The following DHRSX variants were observed in gnomAD, a reference collection of about 807,000 sequenced individuals.
DHRSX encodes the protein dehydrogenase/reductase X-linked, also known as polyprenol dehydrogenase.
DHRSX carries 31 observed loss-of-function variants against 34.0 expected under a neutral mutation model. That is an observed-to-expected ratio of 0.91 (90% CI 0.69 to 1.23). The LOEUF (loss-of-function observed/expected upper bound fraction) is 1.23. Ranked by LOEUF, DHRSX falls within the 50% of genes most tolerant of loss-of-function variation. DHRSX has a pLI of 0.00. For missense variants in DHRSX, 414 were observed against 428.1 expected, an observed-to-expected ratio of 0.97 and a Z score of 0.29; for synonymous variants, 201 against 183.8, an observed-to-expected ratio of 1.09 and a Z score of -0.76.
intron 3 of DHRSX, among the ~76,000 whole-genome samples, chrX:2,407,492 G>A (rs2043571514): frequency 6.6e-6 from 1 of 152,160 alleles, no homozygotes; most frequent in African/African-American, 2.4e-5. Flanking sequence ...GATGATTAAA[G>A]GCCAGGTTCT....
intron 3 of DHRSX, among the ~76,000 whole-genome samples, chrX:2,304,465 C>A (rs1486758147): frequency 6.6e-6 from 1 of 152,026 alleles, no homozygotes; most frequent in African/African-American, 2.4e-5. Context: ...GAGGTGGACC[C>A]TTGTAGGGGG....
At chrX:2,447,716 C>T (rs1037789802) in intron 1 of DHRSX, among the ~76,000 whole-genome samples, 8 of 147,334 alleles carry the variant, frequency 5.4e-5, no homozygotes, top group African/African-American at 1.8e-4. Context: ...AAAGGAAATC[C>T]TGCCATTTGC....
chrX:2,420,040 A>T (rs1406203687), intron 2 of DHRSX, among the ~76,000 whole-genome samples: 1 of 152,172 alleles, frequency 6.6e-6, no homozygotes, highest in African/African-American at 2.4e-5. Flanking sequence ...ACACACCAAG[A>T]CAGGAGAGTT....
At chrX:2,425,434 C>G in intron 1 of DHRSX, 130 bp from the exon 2 acceptor site, 1 of 777,358 alleles carries the variant, frequency 1.3e-6, no homozygotes, top group East Asian at 2.6e-5. Flanking sequence ...TTCTGTTCCT[C>G]TTGAATTCCC....
chrX:2,465,677 C>G (rs966158858), intron 1 of DHRSX, among the ~76,000 whole-genome samples: 1 of 151,594 alleles, frequency 6.6e-6, no homozygotes, highest in Non-Finnish European at 1.5e-5. Context: ...GGTGTAGGGG[C>G]AGGCACTTAC....
rs1323742919 is a variant in DHRSX at position 2,285,806 on chromosome X, G to A, written c.388+5696C>T. ...TCCAGCAATCTCATTTGCACACAAC[G>A]AAGAAGAATTCTGATGCACAAACCA... On this transcript the variant is annotated intron_variant, in intron 4 of 6. Transcript: ENST00000334651. 3.3e-5 allele frequency among the ~76,000 whole-genome samples: 5 copies of A among 149,302 alleles called. No homozygotes were observed. In the East Asian group the frequency reaches 5.8e-4, roughly 17 times the overall value.
chrX:2,346,210 C>G (rs1457286801), intron 3 of DHRSX, among the ~76,000 whole-genome samples: 2 of 150,966 alleles, frequency 1.3e-5, no homozygotes, highest in Non-Finnish European at 2.9e-5. Flanking sequence ...GCATCTCACT[C>G]CATGGCATCT....
At chrX:2,236,742 T>A (rs1208518977) in intron 6 of DHRSX, among the ~76,000 whole-genome samples, 3 of 151,926 alleles carry the variant, frequency 2.0e-5, no homozygotes, top group African/African-American at 7.2e-5. Flanking sequence ...ACCTGGAGCA[T>A]TTTCAGTGGA....
Position 2,408,820 on chromosome X carries a change from G to T in DHRSX, c.218-7C>A, listed in dbSNP as rs766635785. On this transcript the variant is annotated splice_polypyrimidine_tract_variant and splice_region_variant and intron_variant, in intron 2 of 6. Transcript: ENST00000334651. The stretch of plus-strand genomic sequence containing the variant: ...TTGCTGTCATTATTTCCAGCTAAAA[G>T]GAAAAAGAAAAAAAAGATACGGTGA... 6 of 1,600,430 alleles carry T rather than the reference G, an allele frequency of 3.7e-6. No homozygotes were observed. The highest frequency in any genetic ancestry group is 5.1e-6 in the Non-Finnish European group (6 of 1,174,662).
Position 2,405,413 on chromosome X carries a change from G to A in DHRSX, c.286+3332C>T, listed in dbSNP as rs772501627. Among the ~76,000 whole-genome samples, 18 of 152,036 alleles carry A rather than the reference G, an allele frequency of 1.2e-4. No homozygotes were observed. In the South Asian group the frequency reaches 2.5e-3, roughly 21 times the overall value. Reference sequence around the variant, plus strand: ...TGAGGCAGGAGAATCGCTTGAACCCGGGCCACAGAGGTTGCAGTGAGCCGA... The same window carrying A: ...TGAGGCAGGAGAATCGCTTGAACCCAGGCCACAGAGGTTGCAGTGAGCCGA... On this transcript the variant is annotated intron_variant, in intron 3 of 6. Transcript: ENST00000334651.
At chrX:2,371,663 CAT>C (rs1262296254) in intron 3 of DHRSX, among the ~76,000 whole-genome samples, 2 of 150,928 alleles carry the variant, frequency 1.3e-5, no homozygotes, top group African/African-American at 4.9e-5. Context: ...CTCCCCTTAC[CAT>C]AGTCCCTCCT....
chrX:2,297,778 A>G (rs1227100471), intron 3 of DHRSX, among the ~76,000 whole-genome samples: 9 of 121,872 alleles, frequency 7.4e-5, no homozygotes, highest in African/African-American at 2.4e-4. Context: ...TTTTTTTGAC[A>G]AAGTCTTGCT....
chrX:2,488,514 T>C, intron 1 of DHRSX: 2 of 1,280,038 alleles, frequency 1.6e-6, no homozygotes, highest in Non-Finnish European at 2.1e-6. Context: ...TTCCACCTTC[T>C]AGGTGTCAAA....
At chrX:2,437,846 T>C (rs1480309749) in intron 1 of DHRSX, among the ~76,000 whole-genome samples, 1 of 151,852 alleles carries the variant, frequency 6.6e-6, no homozygotes, top group Non-Finnish European at 1.5e-5. Flanking sequence ...TAGGTTCTTA[T>C]AGAAGAAAGA....
In DHRSX at chrX:2,339,636, G is replaced by A. The variant is rs143875641; in HGVS notation, c.287-48033C>T. Among the ~76,000 whole-genome samples, 277 of 152,108 alleles carry A rather than the reference G, an allele frequency of 1.8e-3. 1 individual carries two copies. Among genetic ancestry groups the A allele is most frequent in the African/African-American group, 5.9e-3 (246 of 41,520 alleles). The stretch of plus-strand genomic sequence containing the variant: ...CTTCCACGTATCAGTGACAACAGAC[G>A]ATGTTTGGTTTTCCATTCCTGAGTT... On this transcript the variant is annotated intron_variant, in intron 3 of 6. Transcript: ENST00000334651.
chrX:2,268,365 T>TA, intron 4 of DHRSX, among the ~76,000 whole-genome samples: 1 of 152,394 alleles, frequency 6.6e-6, no homozygotes, highest in Admixed American at 6.5e-5. Flanking sequence ...TGTGTATACA[T>TA]AGGCATGTTA....
chrX:2,356,790 C>G (rs910729824), intron 3 of DHRSX, among the ~76,000 whole-genome samples: 1 of 152,152 alleles, frequency 6.6e-6, no homozygotes, highest in African/African-American at 2.4e-5. Flanking sequence ...TCATGATTCT[C>G]TTGGTAACGT....
chrX:2,321,277 G>A (rs1836985035), intron 3 of DHRSX, among the ~76,000 whole-genome samples: 1 of 152,150 alleles, frequency 6.6e-6, no homozygotes, highest in Admixed American at 6.6e-5. Flanking sequence ...CTCCATTGCA[G>A]ACAGGACATC....
chrX:2,489,414 T>C (rs769158974), intron 1 of DHRSX: 19 of 1,613,734 alleles, frequency 1.2e-5, no homozygotes, highest in Admixed American at 1.7e-5. Context: ...GTCTCCTTGA[T>C]GTTGAGCGTG....
Sources: allele counts gnomAD v4.1 joint callset (sites outside exome capture counted in the v4.1 genomes callset), GRCh38; gene constraint gnomAD v4.1.1; transcripts MANE v1.5; gene names NCBI Gene and HGNC (gene_info 2026-07-23, HGNC 2026-07-21).